NTRK2: variants seen among roughly 807,000 people sequenced by gnomAD.
NTRK2 encodes the protein BDNF/NT-3 growth factors receptor.
In NTRK2, 13 loss-of-function variants were observed where a neutral mutation model predicts 94.5. The observed-to-expected ratio is 0.14, with a 90% confidence interval of 0.09 to 0.22. NTRK2 has a LOEUF of 0.22. Among genes scored for constraint, NTRK2 ranks in the 10% least tolerant of loss-of-function variants. NTRK2 has a pLI of 1.00. For synonymous variants in NTRK2, 372 were observed against 407.4 expected, an observed-to-expected ratio of 0.91 and a Z score of 1.05; for missense variants, 639 against 1,071.2, an observed-to-expected ratio of 0.60 and a Z score of 5.63.
intron 15 of NTRK2, among the ~76,000 whole-genome samples, chr9:84,944,165 G>A (rs905424640): frequency 6.8e-6 from 1 of 147,154 alleles, no homozygotes; most frequent in African/African-American, 2.5e-5. Flanking sequence ...ACTCTTTCAG[G>A]TTGGCGTTTC....
chr9:84,780,974 A>G (rs1017811304), intron 12 of NTRK2, among the ~76,000 whole-genome samples: 3 of 152,116 alleles, frequency 2.0e-5, no homozygotes, highest in Non-Finnish European at 4.4e-5. Context: ...TCTGTCAGGA[A>G]TTCTATATTT....
chr9:84,769,049 C>A (rs760943925), intron 12 of NTRK2, among the ~76,000 whole-genome samples: 1 of 151,990 alleles, frequency 6.6e-6, no homozygotes, highest in East Asian at 1.9e-4. Context: ...AAAAGTCAGG[C>A]CTACTTGAGA....
At chr9:84,884,012 G>C (rs1168594335) in intron 14 of NTRK2, among the ~76,000 whole-genome samples, 1 of 152,128 alleles carries the variant, frequency 6.6e-6, no homozygotes, top group African/African-American at 2.4e-5. Context: ...AAATTCTAAA[G>C]TTTCTTTTGG....
At chr9:84,710,285 A>C (rs1375703511) in intron 5 of NTRK2, among the ~76,000 whole-genome samples, 3 of 152,188 alleles carry the variant, frequency 2.0e-5, no homozygotes, top group Non-Finnish European at 4.4e-5. Flanking sequence ...TCTTGTTGGC[A>C]TCCTTTTAAT....
chr9:84,967,985 T>C (rs1266143418), intron 17 of NTRK2, among the ~76,000 whole-genome samples: 1 of 152,140 alleles, frequency 6.6e-6, no homozygotes, highest in East Asian at 1.9e-4. Flanking sequence ...TTAGACTTCA[T>C]TGTAGGAACA....
rs76071690 is a variant in NTRK2, at chr9:84,779,952, A to T, written c.1396+27867A>T. Among the ~76,000 whole-genome samples the T allele has an allele frequency of 1.1e-3, 175 of 152,312 alleles. 4 individuals carry two copies. The East Asian group carries it at 0.023, about 20-fold the overall frequency. ...ACTCTGGACCACCAACACGTCCAGC[A>T]TTAACAACCCACACCACTAGTGGGT... On this transcript the variant is annotated intron_variant, in intron 12 of 18. Coordinates refer to ENST00000277120, the MANE Select transcript of NTRK2 (RefSeq NM_006180.6).
At chr9:84,688,221 G>T (rs2059834619) in intron 2 of NTRK2, among the ~76,000 whole-genome samples, 1 of 152,226 alleles carries the variant, frequency 6.6e-6, no homozygotes, top group Non-Finnish European at 1.5e-5. Flanking sequence ...TGCTGAAGGA[G>T]AACAGAGTGA....
intron 15 of NTRK2, among the ~76,000 whole-genome samples, chr9:84,943,640 C>A (rs1344605615): frequency 1.3e-5 from 2 of 152,024 alleles, no homozygotes; most frequent in Admixed American, 6.6e-5. Context: ...TCAAAATGAA[C>A]CTGAAGAAGA....
chr9:84,837,354 G>A (rs1183201073), intron 12 of NTRK2, among the ~76,000 whole-genome samples: 1 of 152,110 alleles, frequency 6.6e-6, no homozygotes, highest in Admixed American at 6.5e-5. Flanking sequence ...AGGCTGCCTG[G>A]GATCTAAGTC....
chr9:84,815,746 C>G, intron 12 of NTRK2: 7 of 1,004,150 alleles, frequency 7.0e-6, no homozygotes, highest in Non-Finnish European at 8.3e-6. Context: ...TGTACTTCCT[C>G]ACACTTCCTC....
At chr9:84,861,277 T>C (rs888592882) in intron 13 of NTRK2, among the ~76,000 whole-genome samples, 190 bp downstream of exon 13, 2 of 152,230 alleles carry the variant, frequency 1.3e-5, no homozygotes. Flanking sequence ...TTGAGTTTAG[T>C]ACATGGTTTT....
intron 17 of NTRK2, among the ~76,000 whole-genome samples, chr9:84,989,359 A>C (rs1294391150): frequency 6.6e-6 from 1 of 152,168 alleles, no homozygotes; most frequent in Non-Finnish European, 1.5e-5. Flanking sequence ...TTATATATTT[A>C]TTAACTAGAT....
chr9:84,801,324 C>T (rs980649864), intron 12 of NTRK2, among the ~76,000 whole-genome samples: 4 of 152,192 alleles, frequency 2.6e-5, no homozygotes, highest in Non-Finnish European at 5.9e-5. Flanking sequence ...TCAGGCATCA[C>T]TGTAGAAATG....
chr9:84,702,014 T>C, intron 2 of NTRK2, 145 bp from the exon 3 acceptor site: 1 of 712,084 alleles, frequency 1.4e-6, no homozygotes, highest in Non-Finnish European at 2.5e-6. Flanking sequence ...TCAGTTTTGC[T>C]CTACTGCTGT....
intron 12 of NTRK2, chr9:84,814,411 TTTCTC>T (rs2072155348): frequency 9.4e-7 from 1 of 1,065,724 alleles, no homozygotes; most frequent in African/African-American, 1.6e-5. Flanking sequence ...CTCCTCTTCT[TTTCTC>T]TTTATTTCTT....
chr9:84,918,900 C>A (rs2077476183), intron 14 of NTRK2, among the ~76,000 whole-genome samples: 2 of 152,206 alleles, frequency 1.3e-5, no homozygotes, highest in Admixed American at 6.5e-5. Context: ...ATTTAATACA[C>A]CATGCATATT....
In NTRK2 at chr9:85,022,065, T is replaced by C. The variant is rs1023912676; in HGVS notation, c.*628T>C. The C allele has an allele frequency of 8.6e-6, 2 of 233,642 alleles. No homozygotes were observed. Among genetic ancestry groups the C allele is most frequent in the African/African-American group, 4.4e-5 (2 of 45,366 alleles). 14.5% of individuals were successfully genotyped at this position (233,642 alleles called of 1,614,324 possible). A position where few individuals can be genotyped will look rare whatever the true frequency, so the allele number is the denominator to read the frequency against. ...TTGTGTTCAATCTGTGAAGCCTTTATCTATGGGAGATTAAAACCAGAGAGA... is the reference window on the plus strand; with the variant it reads ...TTGTGTTCAATCTGTGAAGCCTTTACCTATGGGAGATTAAAACCAGAGAGA... On this transcript the variant is annotated 3_prime_UTR_variant, in exon 19 of 19. Transcript: ENST00000277120.
upstream of NTRK2, chr9:84,669,230 G>T (rs1424342769): frequency 1.3e-5 from 2 of 152,578 alleles, no homozygotes; most frequent in African/African-American, 4.8e-5. The surrounding 1 kb of genome is among the most constrained non-coding windows in gnomAD (Gnocchi z 4.1). Flanking sequence ...TTTTAGGCAG[G>T]GTGGGAAAGG....
chr9:84,918,387 T>A (rs1227285452), intron 14 of NTRK2, among the ~76,000 whole-genome samples: 1 of 152,248 alleles, frequency 6.6e-6, no homozygotes, highest in African/African-American at 2.4e-5. Flanking sequence ...CACCTGCATG[T>A]CCTTGCCTGA....
Sources: gnomAD v4.1 joint callset for allele counts (sites outside exome capture counted in the v4.1 genomes callset) on GRCh38, gnomAD v4.1.1 for gene constraint, Gnocchi (gnomAD v3.1) non-coding constraint, MANE v1.5 for transcripts, NCBI Gene and HGNC (gene_info 2026-07-23, HGNC 2026-07-21) for gene names.